Variants in PTPRS observed in about 807,000 individuals in gnomAD.
PTPRS encodes the protein protein tyrosine phosphatase receptor type S, also known as receptor-type tyrosine-protein phosphatase S.
Under a neutral mutation model 215.3 loss-of-function variants are expected in PTPRS, and 63 were observed. That is an observed-to-expected ratio of 0.29 (90% CI 0.24 to 0.36). The LOEUF (loss-of-function observed/expected upper bound fraction) is 0.36, where lower values mean the gene tolerates loss of function less well. PTPRS is among the 10% of genes least tolerant of loss of function. The probability of loss-of-function intolerance (pLI) is 1.00; values close to 1 mark genes in which losing one functional copy is unlikely to be tolerated. For missense variants in PTPRS, 2,258 were observed against 2,825.8 expected (o/e 0.80, Z 4.56); for synonymous variants, 1,404 against 1,191.4 (o/e 1.18, Z -3.68).
intron 1 of PTPRS, among the ~76,000 whole-genome samples, chr19:5,323,427 G>A (rs1384046511): frequency 6.6e-6 from 1 of 152,228 alleles, no homozygotes; most frequent in East Asian, 1.9e-4. Flanking sequence ...AGAGCAGAAG[G>A]GGGAAGACAG....
chr19:5,280,536 T>G (rs1239612322), intron 2 of PTPRS, among the ~76,000 whole-genome samples: 2 of 151,292 alleles, frequency 1.3e-5, no homozygotes, highest in Admixed American at 1.3e-4. Context: ...CTGGCCAACA[T>G]GATGAAACCC....
At chr19:5,289,616 G>A (rs964558991) in intron 1 of PTPRS, among the ~76,000 whole-genome samples, 3 of 151,924 alleles carry the variant, frequency 2.0e-5, no homozygotes, top group Admixed American at 6.6e-5. Context: ...TGCTCCAGCC[G>A]CATGGGCCTC....
At chr19:5,312,710 G>A (rs1472711634) in intron 1 of PTPRS, among the ~76,000 whole-genome samples, 1 of 152,032 alleles carries the variant, frequency 6.6e-6, no homozygotes, top group Non-Finnish European at 1.5e-5. Flanking sequence ...AACAATAACT[G>A]CTAATATTTA....
chr19:5,305,051 G>A, intron 1 of PTPRS, among the ~76,000 whole-genome samples: 1 of 152,012 alleles, frequency 6.6e-6, no homozygotes, highest in East Asian at 1.9e-4. Flanking sequence ...GTCCTGGGTA[G>A]GAGAAGGTGG....
At chr19:5,243,518 C>T (rs867529291) in intron 11 of PTPRS, among the ~76,000 whole-genome samples, 16 of 151,802 alleles carry the variant, frequency 1.1e-4, no homozygotes, top group East Asian at 7.7e-4. Flanking sequence ...CTCACTCTCT[C>T]GCCCAGGCTG....
intron 1 of PTPRS, among the ~76,000 whole-genome samples, chr19:5,324,226 CAAAAAAAAAAAAAA>C (rs55793961): frequency 4.1e-5 from 3 of 73,880 alleles, no homozygotes; most frequent in Non-Finnish European, 8.1e-5. Flanking sequence ...AACCCTGCCT[CAAAAAAAAAAAAAA>C]AAAAAAAAAA....
intron 1 of PTPRS, among the ~76,000 whole-genome samples, chr19:5,292,321 G>C (rs2048889665): frequency 6.6e-6 from 1 of 152,192 alleles, no homozygotes; most frequent in Non-Finnish European, 1.5e-5. Context: ...GACCGAGACG[G>C]GGACAGCCTC....
chr19:5,324,383 C>A (rs914914049), intron 1 of PTPRS, among the ~76,000 whole-genome samples: 1 of 152,270 alleles, frequency 6.6e-6, no homozygotes, highest in East Asian at 1.9e-4. Flanking sequence ...GAACCTGAAA[C>A]CCGCTTCCCC....
intron 4 of PTPRS, among the ~76,000 whole-genome samples, chr19:5,266,498 C>CT (rs1321509903): frequency 6.6e-6 from 1 of 151,912 alleles, no homozygotes; most frequent in African/African-American, 2.4e-5. Flanking sequence ...GTCGGCCAGG[C>CT]TGGAAGGCAG....
At position 5,219,295 on chromosome 19, in the gene PTPRS, G is replaced by A. The variant is rs771577028; in HGVS notation, c.3923+15C>T. On this transcript the variant is annotated intron_variant, in intron 23 of 37. Transcript: ENST00000262963. ...CCCTGCTGTCAAGTCAAGTCGGGGA[G>A]GACATGGGGCTTACTTCTTGTAGAG... 1 of 1,613,912 alleles carries A rather than the reference G, an allele frequency of 6.2e-7. No homozygotes were observed. The highest frequency in any genetic ancestry group is 8.5e-7 in the Non-Finnish European group (1 of 1,179,924).
At chr19:5,307,811 T>C (rs573993711) in intron 1 of PTPRS, among the ~76,000 whole-genome samples, 1 of 152,366 alleles carries the variant, frequency 6.6e-6, no homozygotes, top group South Asian at 2.1e-4. Flanking sequence ...ATTTTTATCA[T>C]CGCCATATCG....
At position 5,222,290 on chromosome 19, in the gene PTPRS, G is replaced by A. The variant is rs546159015; in HGVS notation, c.3104-70C>T. On this transcript the variant is annotated intron_variant, in intron 18 of 37. Coordinates refer to ENST00000262963, the MANE Select transcript of PTPRS (RefSeq NM_002850.4). ...CCATGAGTGCCTGGCACTGGGTGGC[G>A]TGAAGCGGGGTGGGGTGGGGCGGCC... The A allele has an allele frequency of 1.9e-3, 2,475 of 1,317,888 alleles. 5 individuals carry two copies. Among genetic ancestry groups the A allele is most frequent in the Middle Eastern group, 2.9e-3 (16 of 5,536 alleles). The allele number at this position is 1,317,888 out of a possible 1,614,324, so 81.6% of individuals were successfully genotyped here.
chr19:5,312,702 C>G (rs1385407936), intron 1 of PTPRS, among the ~76,000 whole-genome samples: 1 of 152,062 alleles, frequency 6.6e-6, no homozygotes, highest in African/African-American at 2.4e-5. Context: ...GCAATAGTAA[C>G]AATAACTGCT....
rs1187557224 is a variant in PTPRS at position 5,273,158 on chromosome 19, CCATCTGAGTTGGATCAGCCTTTTGT to C, written c.379+259_379+283del. On this transcript the variant is annotated intron_variant, in intron 4 of 37. Transcript: ENST00000262963. ...CATCAATTACCTTTCTCGCTTGAAC[CCATCTGAGTTGGATCAGCCTTTTGT>C]CATCAGAAGCACATGATGAAGATTA... is the stretch of plus-strand genomic sequence containing the variant. 18 of 466,374 alleles carry C rather than the reference CCATCTGAGTTGGATCAGCCTTTTGT, an allele frequency of 3.9e-5. 1 individual carries two copies. The highest frequency in any genetic ancestry group is 1.1e-4 in the Admixed American group (3 of 28,474). The allele number at this position is 466,374 out of a possible 1,614,324, so 28.9% of individuals were successfully genotyped here.
intron 6 of PTPRS, 132 bp downstream of exon 6, chr19:5,262,832 G>A: frequency 2.0e-6 from 2 of 1,012,578 alleles, no homozygotes; most frequent in South Asian, 1.5e-5. Flanking sequence ...GAGGGCGTTA[G>A]TAAACATACC....
rs139608745 is a variant in PTPRS at position 5,219,941 on chromosome 19, G to C, written c.3763C>G (p.Pro1255Ala). 2.7e-3 allele frequency: 4,423 copies of C among 1,613,524 alleles called. 89 individuals are homozygous for C. Among genetic ancestry groups the C allele is most frequent in the Admixed American group, 8.0e-3 (480 of 60,012 alleles). Reference sequence around the variant, plus strand: ...GGCGGACACCATTCAGGACTTACAGGCTCGCTCTTCTGAAGCACGGCAAGC... The same window carrying C: ...GGCGGACACCATTCAGGACTTACAGCCTCGCTCTTCTGAAGCACGGCAAGC... ...FVLAVLQKSE[P>A]TFAASPFSDP... is the part of the protein sequence containing the mutation. Residue 1255 changes from proline (P) to alanine (A), a missense_variant and splice_region_variant, in exon 22 of 38, where the codon CCT becomes GCT. Around this residue, in one of 6 missense-constraint regions of PTPRS, gnomAD observed 927 missense variants for 1,125.9 expected, o/e 0.82. Coordinates refer to ENST00000262963, the MANE Select transcript of PTPRS (RefSeq NM_002850.4).
At chr19:5,266,036 G>A (rs1035405090) in intron 4 of PTPRS, among the ~76,000 whole-genome samples, 12 of 152,110 alleles carry the variant, frequency 7.9e-5, no homozygotes, top group African/African-American at 2.9e-4. Context: ...GAGACAGGTG[G>A]ATCACTTAAG....
intron 6 of PTPRS, 62 bp from the exon 7 acceptor site, chr19:5,260,884 G>A (rs1277543460): frequency 1.4e-5 from 22 of 1,587,726 alleles, no homozygotes; most frequent in South Asian, 3.4e-5. Context: ...GGGCCGGGGG[G>A]CCCCAGGGAA....
intron 5 of PTPRS, among the ~76,000 whole-genome samples, chr19:5,264,593 A>T (rs977406289): frequency 6.6e-6 from 1 of 152,160 alleles, no homozygotes; most frequent in Non-Finnish European, 1.5e-5. Context: ...TTACAGGCAT[A>T]AGCCACTGCG....
Sources: allele counts gnomAD v4.1 joint callset (sites outside exome capture counted in the v4.1 genomes callset), GRCh38; gene constraint gnomAD v4.1.1; regional missense constraint gnomAD v4.1.1; transcripts MANE v1.5; gene names NCBI Gene and HGNC (gene_info 2026-07-23, HGNC 2026-07-21).